BTN3A2: variants seen among roughly 807,000 people sequenced by gnomAD.
The protein encoded by BTN3A2 is butyrophilin protein.
A neutral mutation model predicts 37.6 loss-of-function variants in BTN3A2; 25 were observed. That is an observed-to-expected ratio of 0.66 (90% confidence interval 0.48 to 0.93). The LOEUF is 0.93. Ranked by LOEUF, BTN3A2 falls within the 40% of genes least tolerant of loss-of-function variation. The probability of loss-of-function intolerance (pLI) is 0.00; values close to 1 mark genes in which losing one functional copy is unlikely to be tolerated. For synonymous variants in BTN3A2, 122 were observed against 159.4 expected, an observed-to-expected ratio of 0.77 and a Z score of 1.77; for missense variants, 266 against 410.9, an observed-to-expected ratio of 0.65 and a Z score of 3.05.
chr6:26,370,582 A>G lies in BTN3A2; in HGVS notation c.694A>G (p.Thr232Ala), dbSNP rs750127680. Residue 232 changes from threonine (T) to alanine (A), a missense_variant, in exon 5 of 11, where the codon ACA becomes GCA. Transcript: ENST00000377708. ...IRNSLLGLEKTASISIADPFF... is the reference protein window; with the variant it reads ...IRNSLLGLEKAASISIADPFF... ...AAATTCCCTCCTCGGCCTGGAAAAG[A>G]CAGCCAGCATTTCCATCGCAGGTCA... 1 of 1,614,094 alleles carries G rather than the reference A, an allele frequency of 6.2e-7. No individual in the cohort carries two copies. The highest frequency in any genetic ancestry group is 8.5e-7 in the Non-Finnish European group (1 of 1,180,044).
rs1760776982 is a variant in BTN3A2 at position 26,377,408 on chromosome 6, G to C, written c.*1646G>C. 1 of 495,832 alleles carries C rather than the reference G, an allele frequency of 2.0e-6. No individual in the cohort carries two copies. Among genetic ancestry groups the C allele is most frequent in the African/African-American group, 2.0e-5 (1 of 51,248 alleles). The allele number at this position is 495,832 out of a possible 1,614,324, so 30.7% of individuals were successfully genotyped here. A position where few individuals can be genotyped will look rare whatever the true frequency, so the allele number is the denominator to read the frequency against. ...AAACTGGGGTGTAGAAAAGTGTATT[G>C]ACTTTACAAAGCAGACAGGAATAGT... On this transcript the variant is annotated 3_prime_UTR_variant, in exon 11 of 11. Transcript: ENST00000377708.
At position 26,376,979 on chromosome 6, in the gene BTN3A2, C is replaced by T. The variant is rs145787608; in HGVS notation, c.*1217C>T. 4.1e-5 allele frequency: 62 copies of T among 1,530,184 alleles called. No homozygotes were observed. The highest frequency in any genetic ancestry group is 3.4e-4 in the Middle Eastern group (2 of 5,892). The allele number at this position is 1,530,184 out of a possible 1,614,324, so 94.8% of individuals were successfully genotyped here. On this transcript the variant is annotated 3_prime_UTR_variant, in exon 11 of 11. Transcript: ENST00000377708. ...ATGAGACTGGACATATCTCGTTCTA[C>T]AATGCCACGGATGGATCTCATATCT... is the stretch of plus-strand genomic sequence containing the variant.
At chr6:26,374,160 A>C in intron 8 of BTN3A2, 167 bp from the exon 9 acceptor site, 1 of 541,346 alleles carries the variant, frequency 1.8e-6, no homozygotes, top group Non-Finnish European at 3.2e-6. Context: ...TGAAGAAAGA[A>C]TTGTACCTGA....
Position 26,374,325 on chromosome 6 carries a change from A to G in BTN3A2, c.965-2A>G. On this transcript the variant is annotated splice_acceptor_variant, in intron 8 of 10. Transcript: ENST00000377708. LOFTEE classifies it high-confidence loss of function. ...GACACCTCTACCTTTCTTTCATTGT[A>G]GGTGGAGAGGAGTCTTCGTCCGATA... The G allele has an allele frequency of 6.3e-7, 1 of 1,588,586 alleles. No individual in the cohort carries two copies. Among genetic ancestry groups the G allele is most frequent in the South Asian group, 1.1e-5 (1 of 90,460 alleles).
In BTN3A2 at chr6:26,370,358, A is replaced by G. The variant is rs773839701; in HGVS notation, c.470A>G (p.Tyr157Cys). The change falls in exon 5 of 11, where the codon TAT becomes TGT. Residue 157 changes from tyrosine (Y) to cysteine (C), a missense_variant. Around this residue, in one of 3 missense-constraint regions of BTN3A2, gnomAD observed 204 missense variants for 232.6 expected, o/e 0.88. Coordinates refer to ENST00000377708, the MANE Select transcript of BTN3A2 (RefSeq NM_007047.5). ...GSNLHVEVKG[Y>C]EDGGIHLECR... ...AATCTTCACGTCGAAGTGAAGGGTT[A>G]TGAGGATGGAGGGATCCATCTGGAG... is the stretch of plus-strand genomic sequence containing the variant. 6 of 1,614,094 alleles carry G rather than the reference A, an allele frequency of 3.7e-6. No individual in the cohort carries two copies. Among genetic ancestry groups the G allele is most frequent in the African/African-American group, 2.7e-5 (2 of 74,930 alleles).
In BTN3A2 at chr6:26,370,335, T is replaced by A; in HGVS notation, c.447T>A (p.Asn149Lys). 1.2e-6 allele frequency: 2 copies of A among 1,614,184 alleles called. No homozygotes were observed. The highest frequency in any genetic ancestry group is 1.7e-6 in the Non-Finnish European group (2 of 1,180,016). ...VELKVAALGS[N>K]LHVEVKGYED... ...ATCCTTCCACAGCACTGGGTTCTAATCTTCACGTCGAAGTGAAGGGTTATG... is the reference window on the plus strand; with the variant it reads ...ATCCTTCCACAGCACTGGGTTCTAAACTTCACGTCGAAGTGAAGGGTTATG... The change falls in exon 5 of 11, where the codon AAT (asparagine) becomes AAA (lysine). Residue 149 changes from asparagine (N) to lysine (K), a missense_variant. Asn to Lys is a moderately conservative substitution (Grantham distance 94). Transcript: ENST00000377708.
At chr6:26,375,019 GC>G in intron 10 of BTN3A2, 1 of 433,762 alleles carries the variant, frequency 2.3e-6, no homozygotes, top group South Asian at 5.6e-5. Context: ...AGGAGGTGAT[GC>G]CTGCCCAAAG....
intron 8 of BTN3A2, 119 bp downstream of exon 8, chr6:26,373,532 GA>G (rs1330144391): frequency 2.3e-6 from 2 of 865,056 alleles, no homozygotes; most frequent in Non-Finnish European, 2.9e-6. Flanking sequence ...CCTTTACCCA[GA>G]AAAAGAAAAC....
At chr6:26,375,657 C>T in intron 10 of BTN3A2, 140 bp from the exon 11 acceptor site, 1 of 1,504,552 alleles carries the variant, frequency 6.6e-7, no homozygotes, top group Non-Finnish European at 8.9e-7. Context: ...TATAAGGCCC[C>T]ACACAGAGCC....
chr6:26,377,225 C>G lies in BTN3A2; in HGVS notation c.*1463C>G. On this transcript the variant is annotated 3_prime_UTR_variant, in exon 11 of 11. Coordinates refer to ENST00000377708, the MANE Select transcript of BTN3A2 (RefSeq NM_007047.5). ...AAGTAACATCTCTGCTTCTCCCTGC[C>G]CAGCCTGGAGCTAAGGGTCTCACCC... The G allele has an allele frequency of 9.8e-7, 1 of 1,019,358 alleles. No individual in the cohort carries two copies. Among genetic ancestry groups the G allele is most frequent in the East Asian group, 2.4e-5 (1 of 41,746 alleles). The allele number at this position is 1,019,358 out of a possible 1,614,324, so 63.1% of individuals were successfully genotyped here. A position where few individuals can be genotyped will look rare whatever the true frequency, so the allele number is the denominator to read the frequency against.
At position 26,373,412 on chromosome 6, in the gene BTN3A2, T is replaced by A; in HGVS notation, c.963T>A (p.Thr321=). 6.3e-7 allele frequency: 1 copy of A among 1,599,776 alleles called. No individual in the cohort carries two copies. Among genetic ancestry groups the A allele is most frequent in the Non-Finnish European group, 8.5e-7 (1 of 1,176,232 alleles). Residue 321 remains threonine, a splice_region_variant and synonymous_variant, in exon 8 of 11, where the codon ACT becomes ACA. Coordinates refer to ENST00000377708, the MANE Select transcript of BTN3A2 (RefSeq NM_007047.5). ...AGAGGAAAAAAATCCAGTACTTGAC[T>A]CGTGAGTGGCTTTGACATTTTCTCT... The part of the protein sequence containing the change: ...ELKRKKIQYL[T]RGEESSSDTN...
intron 10 of BTN3A2, chr6:26,375,410 A>G: frequency 2.3e-6 from 1 of 438,730 alleles, no homozygotes; most frequent in Non-Finnish European, 4.2e-6. Flanking sequence ...TCCTGAGAAG[A>G]GTCCTCGGGC....
intron 3 of BTN3A2, 116 bp from the exon 4 acceptor site, chr6:26,368,449 G>A: frequency 6.5e-7 from 1 of 1,538,694 alleles, no homozygotes. Context: ...CCTTCTGTTA[G>A]GATTGTGTTC....
chr6:26,374,024 G>A (rs1412110532), intron 8 of BTN3A2: 4 of 334,020 alleles, frequency 1.2e-5, no homozygotes, highest in African/African-American at 2.2e-5. Context: ...TATAGACATG[G>A]TGACACCTAT....
At position 26,376,567 on chromosome 6, in the gene BTN3A2, C is replaced by T; in HGVS notation, c.*805C>T. On this transcript the variant is annotated 3_prime_UTR_variant, in exon 11 of 11. Coordinates refer to ENST00000377708, the MANE Select transcript of BTN3A2 (RefSeq NM_007047.5). Reference sequence around the variant, plus strand: ...CCCCATGGACACCTCCTCAAACTCTCTGCAGCAGATGTAATTCTGTATCCA... The same window carrying T: ...CCCCATGGACACCTCCTCAAACTCTTTGCAGCAGATGTAATTCTGTATCCA... 7.2e-7 allele frequency: 1 copy of T among 1,394,278 alleles called. No individual in the cohort carries two copies. The highest frequency in any genetic ancestry group is 2.1e-4 in the Middle Eastern group (1 of 4,756). 86.4% of individuals were successfully genotyped at this position (1,394,278 alleles called of 1,614,324 possible).
intron 1 of BTN3A2, 85 bp downstream of exon 1, chr6:26,365,437 CAG>C: frequency 6.9e-7 from 1 of 1,449,410 alleles, no homozygotes; most frequent in Non-Finnish European, 9.3e-7. Context: ...AGTGGGCATG[CAG>C]GGAGAGTACT....
rs778549070 is a variant in BTN3A2, at chr6:26,365,342, A to T, written c.-77A>T. On this transcript the variant is annotated 5_prime_UTR_variant, in exon 1 of 11. Transcript: ENST00000377708. ...CTGTGGGCTCTGATTCTCCAATGGG[A>T]ATACCAAGGGGTAAGTGCAGGAAAT... The T allele has an allele frequency of 2.0e-5, 30 of 1,535,936 alleles. No homozygotes were observed. The South Asian group carries it at 3.6e-4, about 18-fold the overall frequency.
chr6:26,374,098 G>A, intron 8 of BTN3A2: 1 of 485,396 alleles, frequency 2.1e-6, no homozygotes, highest in Non-Finnish European at 3.6e-6. Context: ...CACAGTGCCT[G>A]CCCTGCCACT....
chr6:26,374,496 AC>A, intron 9 of BTN3A2, 123 bp downstream of exon 9: 2 of 1,114,326 alleles, frequency 1.8e-6, no homozygotes, highest in Non-Finnish European at 1.3e-6. Flanking sequence ...GTGGGGGTTC[AC>A]CTCCGCTTTT....
Sources: allele counts gnomAD v4.1 joint callset, GRCh38; gene constraint gnomAD v4.1.1; regional missense constraint gnomAD v4.1.1; transcripts MANE v1.5; gene names NCBI Gene and HGNC (gene_info 2026-07-23, HGNC 2026-07-21).